The following RASGRF2 variants were observed in gnomAD, a reference collection of about 807,000 sequenced individuals.
The protein encoded by RASGRF2 is Ras protein specific guanine nucleotide releasing factor 2, also known as ras-specific guanine nucleotide-releasing factor 2.
A neutral mutation model predicts 151.0 loss-of-function variants in RASGRF2; 76 were observed. The ratio of observed to expected loss-of-function variants is 0.50; its 90% confidence interval spans 0.42 to 0.61. The LOEUF (loss-of-function observed/expected upper bound fraction) is 0.61. RASGRF2 is among the 20% of genes least tolerant of loss of function. RASGRF2 has a pLI of 0.00. For missense variants in RASGRF2, 1,148 were observed against 1,564.6 expected (o/e 0.73, Z 4.49); for synonymous variants, 504 against 566.5 (o/e 0.89, Z 1.57).
intron 1 of RASGRF2, among the ~76,000 whole-genome samples, chr5:80,999,542 A>C (rs1051731695): frequency 6.6e-6 from 1 of 151,966 alleles, no homozygotes; most frequent in Admixed American, 6.6e-5. Flanking sequence ...TTTATGTTGT[A>C]GAGATGGGGT....
In RASGRF2 at chr5:81,169,925, TCACCTGTACCACCTGTATCACCCATAC is replaced by T. The variant is rs1288448088; in HGVS notation, c.2687-10243_2687-10217del. On this transcript the variant is annotated intron_variant, in intron 17 of 26. Transcript: ENST00000265080. ...ACCCATACCACCTGCGTCACCTGCA[TCACCTGTACCACCTGTATCACCCATAC>T]CACCTGCATCACCTGTACCACCTGT... 9.9e-3 allele frequency among the ~76,000 whole-genome samples: 525 copies of T among 52,970 alleles called. 43 individuals are homozygous for T. The highest frequency in any genetic ancestry group is 0.038 in the African/African-American group (494 of 13,102). 34.8% of individuals were successfully genotyped at this position (52,970 alleles called of 152,430 possible). A position where few individuals can be genotyped will look rare whatever the true frequency, so the allele number is the denominator to read the frequency against.
intron 1 of RASGRF2, among the ~76,000 whole-genome samples, chr5:80,967,262 C>T (rs537076428): frequency 2.8e-4 from 43 of 152,194 alleles, no homozygotes; most frequent in Middle Eastern, 3.4e-3. Flanking sequence ...GTGGAGCATG[C>T]CTGTAATCCC....
intron 17 of RASGRF2, among the ~76,000 whole-genome samples, chr5:81,155,501 G>GA (rs1311169539): frequency 6.6e-6 from 1 of 152,134 alleles, no homozygotes; most frequent in Non-Finnish European, 1.5e-5. Context: ...CAAAATCAGG[G>GA]ATGAAAGCAG....
intron 15 of RASGRF2, among the ~76,000 whole-genome samples, chr5:81,123,323 C>T (rs1255188520): frequency 6.6e-6 from 1 of 152,124 alleles, no homozygotes; most frequent in Non-Finnish European, 1.5e-5. Flanking sequence ...TCTTTCCCCA[C>T]TCAGAGAAAG....
intron 13 of RASGRF2, 22 bp from the exon 14 acceptor site, chr5:81,112,588 A>G: frequency 1.2e-6 from 2 of 1,612,888 alleles, no homozygotes; most frequent in Non-Finnish European, 1.7e-6. Flanking sequence ...TTTTACCATC[A>G]TGTTCCTGCC....
At chr5:81,219,922 A>T in intron 26 of RASGRF2, 144 bp downstream of exon 26, 2 of 452,560 alleles carry the variant, frequency 4.4e-6, no homozygotes, top group Non-Finnish European at 7.8e-6. Context: ...GGCTAGTCTG[A>T]TTAAAAAAAA....
chr5:81,116,998 A>G (rs1187506260), intron 15 of RASGRF2, among the ~76,000 whole-genome samples: 1 of 152,190 alleles, frequency 6.6e-6, no homozygotes, highest in African/African-American at 2.4e-5. Context: ...TGCAATGAAT[A>G]TGGTGTGCAA....
chr5:80,960,480 G>A lies in RASGRF2; in HGVS notation c.-259G>A, dbSNP rs139949554. On this transcript the variant is annotated 5_prime_UTR_variant, in exon 1 of 27. Coordinates refer to ENST00000265080, the MANE Select transcript of RASGRF2 (RefSeq NM_006909.3). This position sits in a 1 kb window ranked among gnomAD's most constrained non-coding sequence, Gnocchi z 5.5. The stretch of plus-strand genomic sequence containing the variant: ...GCCGCGCTCCACGCGGGCGTTGGGG[G>A]CTTGGGGGGCTCCGGGGGCTCGGCC... 0.081 allele frequency among the ~76,000 whole-genome samples: 12,199 copies of A among 150,790 alleles called. 679 individuals are homozygous for A. The highest frequency in any genetic ancestry group is 0.15 in the African/African-American group (6,344 of 41,332).
At chr5:81,034,804 T>TGGGGGGGGGGG (rs3991135) in intron 1 of RASGRF2, among the ~76,000 whole-genome samples, 3 of 89,338 alleles carry the variant, frequency 3.4e-5, no homozygotes, top group African/African-American at 9.3e-5. Flanking sequence ...TGTTGTGGGG[T>TGGGGGGGGGGG]GGGAGGGGGG....
intron 17 of RASGRF2, among the ~76,000 whole-genome samples, chr5:81,153,463 C>T (rs1420010867): frequency 6.6e-6 from 1 of 152,120 alleles, no homozygotes; most frequent in Non-Finnish European, 1.5e-5. Context: ...GGAGGGCACC[C>T]TCTAGAAGCT....
intron 1 of RASGRF2, among the ~76,000 whole-genome samples, chr5:80,982,702 G>A (rs923644501): frequency 3.8e-4 from 57 of 151,698 alleles, no homozygotes; most frequent in African/African-American, 1.1e-3. Flanking sequence ...CCGGGTTCAT[G>A]CCATTCTCCT....
At chr5:80,967,916 G>A (rs967862451) in intron 1 of RASGRF2, among the ~76,000 whole-genome samples, 1 of 152,256 alleles carries the variant, frequency 6.6e-6, no homozygotes, top group Non-Finnish European at 1.5e-5. Flanking sequence ...CAGTTTCTAG[G>A]TGAAGTGCTG....
chr5:81,060,863 A>G (rs1644854273), intron 2 of RASGRF2, among the ~76,000 whole-genome samples: 2 of 152,214 alleles, frequency 1.3e-5, no homozygotes, highest in African/African-American at 4.8e-5. Context: ...ATCACCCATA[A>G]TTGCTCCAGC....
intron 15 of RASGRF2, among the ~76,000 whole-genome samples, chr5:81,122,961 C>G (rs988530131): frequency 6.6e-6 from 1 of 152,166 alleles, no homozygotes. Flanking sequence ...TGATCTGTAG[C>G]TCTAGCTCAG....
At chr5:81,072,723 A>C (rs1463169367) in intron 4 of RASGRF2, among the ~76,000 whole-genome samples, 2 of 152,208 alleles carry the variant, frequency 1.3e-5, no homozygotes, top group Non-Finnish European at 1.5e-5. Flanking sequence ...AAAAAAACAG[A>C]GAAACACGAG....
At chr5:81,097,929 T>C (rs1752592493) in intron 12 of RASGRF2, among the ~76,000 whole-genome samples, 2 of 152,114 alleles carry the variant, frequency 1.3e-5, no homozygotes, top group African/African-American at 4.8e-5. Flanking sequence ...CTGTCTTAGG[T>C]TTCGAAAGGA....
intron 1 of RASGRF2, among the ~76,000 whole-genome samples, chr5:81,006,267 A>G (rs1479328466): frequency 6.6e-6 from 1 of 152,140 alleles, no homozygotes; most frequent in Non-Finnish European, 1.5e-5. Flanking sequence ...GGCTGTAGTC[A>G]TGCTCAATGC....
At chr5:81,001,504 A>T (rs1749080084) in intron 1 of RASGRF2, among the ~76,000 whole-genome samples, 1 of 152,004 alleles carries the variant, frequency 6.6e-6, no homozygotes, top group Non-Finnish European at 1.5e-5. Flanking sequence ...TGGGCCTCAG[A>T]TCTTGTTATT....
At chr5:81,133,113 G>C (rs1753665993) in intron 17 of RASGRF2, among the ~76,000 whole-genome samples, 1 of 152,084 alleles carries the variant, frequency 6.6e-6, no homozygotes, top group Non-Finnish European at 1.5e-5. Context: ...GAGTCAGGTG[G>C]TATAATGAAA....
Sources: gnomAD v4.1 joint callset for allele counts (sites outside exome capture counted in the v4.1 genomes callset) on GRCh38, gnomAD v4.1.1 for gene constraint, Gnocchi (gnomAD v3.1) non-coding constraint, MANE v1.5 for transcripts, NCBI Gene and HGNC (gene_info 2026-07-23, HGNC 2026-07-21) for gene names.